The following TEX11 variants were observed in gnomAD, a reference collection of about 807,000 sequenced individuals.
TEX11 encodes testis-expressed protein 11.
In TEX11, 7 loss-of-function variants were observed where a neutral mutation model predicts 84.4. The ratio of observed to expected loss-of-function variants is 0.08; its 90% CI spans 0.05 to 0.16. The LOEUF (loss-of-function observed/expected upper bound fraction) is 0.16. Ranked by LOEUF, TEX11 falls within the 10% of genes least tolerant of loss-of-function variation. TEX11 has a pLI of 1.00. For missense variants in TEX11, 551 were observed against 660.5 expected, an observed-to-expected ratio of 0.83 and a Z score of 1.82; for synonymous variants, 264 against 222.8, an observed-to-expected ratio of 1.18 and a Z score of -1.64.
At chrX:70,821,864 T>C (rs745780685) in intron 8 of TEX11, among the ~76,000 whole-genome samples, 1 of 111,206 alleles carries the variant, frequency 9.0e-6, no homozygotes, top group Admixed American at 9.6e-5. Context: ...GTAGGAAGGT[T>C]AATAAAAAAT....
At chrX:70,584,018 G>A (rs1266137826) in intron 25 of TEX11, among the ~76,000 whole-genome samples, 5 of 111,286 alleles carry the variant, frequency 4.5e-5, no homozygotes, top group Admixed American at 9.5e-5. Context: ...GGTGGCTCAC[G>A]CCTGTAATCC....
In TEX11 at chrX:70,744,239, AAAAT is replaced by A; in HGVS notation, c.693-24_693-21del. ...CTTTGGCTATCATTAAAAAGGAAAA[AAAAT>A]ATATATATATATATAAACATATATC... On this transcript the variant is annotated intron_variant, in intron 9 of 29. Transcript: ENST00000374333. 1 of 661,963 alleles carries A rather than the reference AAAAT, an allele frequency of 1.5e-6. No homozygotes were observed. Among genetic ancestry groups the A allele is most frequent in the Non-Finnish European group, 2.0e-6 (1 of 502,572 alleles). The allele number at this position is 661,963 out of a possible 1,213,427, so 54.6% of individuals were successfully genotyped here. A position where few individuals can be genotyped will look rare whatever the true frequency, so the allele number is the denominator to read the frequency against.
At chrX:70,786,692 A>C (rs1256908433) in intron 9 of TEX11, among the ~76,000 whole-genome samples, 1 of 112,050 alleles carries the variant, frequency 8.9e-6, no homozygotes, top group African/African-American at 3.2e-5. Flanking sequence ...AACTGAATTC[A>C]ACAACACATT....
At chrX:70,809,789 G>C (rs1207592488) in intron 8 of TEX11, among the ~76,000 whole-genome samples, 1 of 110,681 alleles carries the variant, frequency 9.0e-6, no homozygotes, top group African/African-American at 3.3e-5. Flanking sequence ...CTCTGCCTCC[G>C]AGGTTCAACC....
At chrX:70,797,570 A>G (rs2091162714) in intron 9 of TEX11, among the ~76,000 whole-genome samples, 2 of 109,941 alleles carry the variant, frequency 1.8e-5, no homozygotes, top group South Asian at 7.9e-4. Context: ...AAAGCCAGAC[A>G]AGGACATGAC....
intron 8 of TEX11, among the ~76,000 whole-genome samples, chrX:70,829,713 T>TTGTGTGTGTGTGTGTG (rs755199889): frequency 1.9e-5 from 2 of 107,248 alleles, no homozygotes; most frequent in Admixed American, 1.0e-4. Context: ...TTTTATTAGT[T>TTGTGTGTGTGTGTGTG]TGTGTGTGTG....
intron 9 of TEX11, among the ~76,000 whole-genome samples, chrX:70,764,725 A>G: frequency 9.0e-6 from 1 of 111,548 alleles, no homozygotes; most frequent in Non-Finnish European, 1.9e-5. Context: ...AAAAATTTAA[A>G]GAAATGAAAA....
In TEX11 at chrX:70,764,798, C is replaced by T. The variant is rs562981216; in HGVS notation, c.693-20579G>A. Among the ~76,000 whole-genome samples the T allele has an allele frequency of 2.7e-5, 3 of 111,428 alleles. No homozygotes were observed. The South Asian group carries it at 1.1e-3, about 42-fold the overall frequency. On this transcript the variant is annotated intron_variant, in intron 9 of 29. Coordinates refer to ENST00000374333, the MANE Select transcript of TEX11 (RefSeq NM_031276.3). ...TAAAGAAATCCAAAACCTGAACACA[C>T]CAACAACAAGTAATGAGATCAAAGC... is the stretch of plus-strand genomic sequence containing the variant.
At chrX:70,849,477 G>T (rs779704623) in intron 7 of TEX11, among the ~76,000 whole-genome samples, 1 of 111,978 alleles carries the variant, frequency 8.9e-6, no homozygotes, top group East Asian at 2.8e-4. Context: ...GTTCATAGAA[G>T]ATATTCCTTG....
chrX:70,737,818 C>T (rs1248573864), intron 11 of TEX11, among the ~76,000 whole-genome samples: 3 of 110,796 alleles, frequency 2.7e-5, no homozygotes, highest in South Asian at 3.8e-4. Context: ...CTGCTGAAGA[C>T]GTGAAGAAAT....
At chrX:70,816,662 A>C (rs2091287734) in intron 8 of TEX11, among the ~76,000 whole-genome samples, 1 of 109,915 alleles carries the variant, frequency 9.1e-6, no homozygotes, top group Admixed American at 9.8e-5. Context: ...CAGTGAGCCA[A>C]GATCGTGCCA....
At chrX:70,520,599 G>A in the TEX11 span, among the ~76,000 whole-genome samples, 1 of 112,607 alleles carries the variant, frequency 8.9e-6, no homozygotes, top group South Asian at 3.7e-4. Flanking sequence ...GGGGCTCAGG[G>A]ACCCACTTGA....
intron 8 of TEX11, among the ~76,000 whole-genome samples, chrX:70,823,371 T>C (rs1466475378): frequency 2.7e-5 from 3 of 110,546 alleles, no homozygotes; most frequent in Non-Finnish European, 5.7e-5. Context: ...GTGTATTGTA[T>C]AGGTGATTTT....
At position 70,592,476 on chromosome X, in the gene TEX11, G is replaced by A. The variant is rs184342014; in HGVS notation, c.2068-653C>T. On this transcript the variant is annotated intron_variant, in intron 24 of 29. Transcript: ENST00000374333. ...CTATTATAAACAAGCATAGCTCAGAGGCCTAGAACTCTCTTTCTCTACCCA... is the reference window on the plus strand; with the variant it reads ...CTATTATAAACAAGCATAGCTCAGAAGCCTAGAACTCTCTTTCTCTACCCA... Among the ~76,000 whole-genome samples the A allele has an allele frequency of 2.8e-3, 314 of 111,383 alleles. 3 individuals are homozygous for A. Among genetic ancestry groups the A allele is most frequent in the African/African-American group, 9.5e-3 (293 of 30,746 alleles).
chrX:70,750,783 AG>A (rs1269274389), intron 9 of TEX11, among the ~76,000 whole-genome samples: 1 of 94,527 alleles, frequency 1.1e-5, no homozygotes, highest in Non-Finnish European at 2.1e-5. Flanking sequence ...GGGTGGGGGT[AG>A]GGGGGAGGGA....
chrX:70,737,607 A>G (rs1202084586), intron 11 of TEX11, among the ~76,000 whole-genome samples: 4 of 110,984 alleles, frequency 3.6e-5, no homozygotes, highest in Admixed American at 2.9e-4. Flanking sequence ...ATAAAAAAGA[A>G]CAAACATAAG....
chrX:70,765,591 C>T (rs2090934608), intron 9 of TEX11, among the ~76,000 whole-genome samples: 1 of 111,630 alleles, frequency 9.0e-6, no homozygotes, highest in Admixed American at 9.5e-5. Context: ...AACATCCCTT[C>T]ATGATATAAA....
intron 25 of TEX11, among the ~76,000 whole-genome samples, chrX:70,565,571 G>A (rs2088455610): frequency 9.0e-6 from 1 of 111,010 alleles, no homozygotes; most frequent in African/African-American, 3.3e-5. Flanking sequence ...ATCGTGAATT[G>A]ATTTTTGTAT....
At chrX:70,525,809 A>G (rs1224273515), downstream of TEX11, among the ~76,000 whole-genome samples, 2 of 112,388 alleles carry the variant, frequency 1.8e-5, no homozygotes, top group Non-Finnish European at 3.8e-5. Flanking sequence ...AAGTTTTTCC[A>G]GGGAACTGAC....
Sources: gnomAD v4.1 joint callset for allele counts (sites outside exome capture counted in the v4.1 genomes callset) on GRCh38, gnomAD v4.1.1 for gene constraint, MANE v1.5 for transcripts, NCBI Gene and HGNC (gene_info 2026-07-23, HGNC 2026-07-21) for gene names.